GRM7: variants seen among roughly 807,000 people sequenced by gnomAD.
GRM7 encodes glutamate metabotropic receptor 7.
A neutral mutation model predicts 84.5 loss-of-function variants in GRM7; 35 were observed. The observed-to-expected ratio is 0.41, with a 90% CI of 0.32 to 0.55. The LOEUF (loss-of-function observed/expected upper bound fraction) is 0.55. Ranked by LOEUF, GRM7 falls within the 20% of genes least tolerant of loss-of-function variation. The pLI is 0.19. For missense variants in GRM7, 1,003 were observed against 1,194.6 expected, an observed-to-expected ratio of 0.84 and a Z score of 2.36; for synonymous variants, 487 against 455.1, an observed-to-expected ratio of 1.07 and a Z score of -0.89.
chr3:7,276,201 ATATATATGTGTGTG>A lies in GRM7; in HGVS notation c.737-22481_737-22468del, dbSNP rs1211305547. Among the ~76,000 whole-genome samples, 536 of 134,234 alleles carry A rather than the reference ATATATATGTGTGTG, an allele frequency of 4.0e-3. 6 individuals carry two copies. The highest frequency in any genetic ancestry group is 0.014 in the African/African-American group (497 of 36,788). 88.1% of individuals were successfully genotyped at this position (134,234 alleles called of 152,430 possible). ...CCATTATTTTTTAAATTATATATAT[ATATATATGTGTGTG>A]TGTGTGTGTGTGTGTGTGTGTGTGT... is the stretch of plus-strand genomic sequence containing the variant. On this transcript the variant is annotated intron_variant, in intron 2 of 9. Transcript: ENST00000357716.
In GRM7 at chr3:7,222,393, G is replaced by A. The variant is rs572742634; in HGVS notation, c.736+75725G>A. Among the ~76,000 whole-genome samples, 16 of 152,150 alleles carry A rather than the reference G, an allele frequency of 1.1e-4. No individual in the cohort carries two copies. In the South Asian group the frequency reaches 1.7e-3, roughly 16 times the overall value. Reference sequence around the variant, plus strand: ...CGAACTGACTTTGAGATTGGATAGAGGGTTCCATGTACCAAGGAATGCTGG... The same window carrying A: ...CGAACTGACTTTGAGATTGGATAGAAGGTTCCATGTACCAAGGAATGCTGG... On this transcript the variant is annotated intron_variant, in intron 2 of 9. Coordinates refer to ENST00000357716, the MANE Select transcript of GRM7 (RefSeq NM_000844.4).
intron 9 of GRM7, among the ~76,000 whole-genome samples, chr3:7,723,379 A>G (rs1702019416): frequency 6.6e-6 from 1 of 152,166 alleles, no homozygotes; most frequent in Non-Finnish European, 1.5e-5. Context: ...GACCCCTGCT[A>G]AATTCTAGTG....
chr3:7,649,101 G>A (rs1027388459), intron 8 of GRM7, among the ~76,000 whole-genome samples: 3 of 150,982 alleles, frequency 2.0e-5, no homozygotes, highest in African/African-American at 4.9e-5. Flanking sequence ...ATGGAGTCTC[G>A]CTCTGTTGCC....
chr3:7,347,949 T>C (rs1266733383), intron 4 of GRM7, among the ~76,000 whole-genome samples: 1 of 152,186 alleles, frequency 6.6e-6, no homozygotes, highest in Non-Finnish European at 1.5e-5. Context: ...TTGTGCTGAA[T>C]GCACAATTCC....
At chr3:7,634,089 C>T (rs1697967079) in intron 8 of GRM7, among the ~76,000 whole-genome samples, 1 of 152,074 alleles carries the variant, frequency 6.6e-6, no homozygotes, top group Admixed American at 6.5e-5. Flanking sequence ...GTGCTTAGCA[C>T]ATGGTATTTC....
In GRM7 at chr3:7,723,571, G is replaced by A. The variant is rs577860410; in HGVS notation, c.2699-16786G>A. On this transcript the variant is annotated intron_variant, in intron 9 of 9. Coordinates refer to ENST00000357716, the MANE Select transcript of GRM7 (RefSeq NM_000844.4). ...ATAAGGAATTTAGGTAGGGCACAAT[G>A]GCACACTTGGCTCACACCAGTAATC... Among the ~76,000 whole-genome samples the A allele has an allele frequency of 3.9e-5, 6 of 152,280 alleles. No individual in the cohort carries two copies. The East Asian group carries it at 1.2e-3, about 29-fold the overall frequency.
chr3:7,202,101 G>A (rs934122779), intron 2 of GRM7, among the ~76,000 whole-genome samples: 1 of 151,126 alleles, frequency 6.6e-6, no homozygotes, highest in African/African-American at 2.4e-5. Flanking sequence ...TAGCATTTTT[G>A]GCTAGCCAAA....
At chr3:7,331,655 A>C (rs750110625) in intron 4 of GRM7, among the ~76,000 whole-genome samples, 3 of 152,182 alleles carry the variant, frequency 2.0e-5, no homozygotes, top group African/African-American at 7.2e-5. Flanking sequence ...ACATATTTCC[A>C]GGAGCTTTTG....
Position 7,360,570 on chromosome 3 carries a change from T to C in GRM7, c.1033+53918T>C, listed in dbSNP as rs1003158243. Among the ~76,000 whole-genome samples, 11 of 152,132 alleles carry C rather than the reference T, an allele frequency of 7.2e-5. No individual in the cohort carries two copies. The East Asian group carries it at 2.1e-3, about 29-fold the overall frequency. On this transcript the variant is annotated intron_variant, in intron 4 of 9. Coordinates refer to ENST00000357716, the MANE Select transcript of GRM7 (RefSeq NM_000844.4). ...GCTCATCAATATCTTTATTATTCAT[T>C]TATCAGCTTCAGGAATTACAGTCCA...
At chr3:7,331,292 G>A (rs148855156) in intron 4 of GRM7, among the ~76,000 whole-genome samples, 1 of 152,164 alleles carries the variant, frequency 6.6e-6, no homozygotes, top group Non-Finnish European at 1.5e-5. Flanking sequence ...GTGTCTGAAA[G>A]GGTGATCAAA....
chr3:7,624,027 A>G (rs1347883665), intron 8 of GRM7, among the ~76,000 whole-genome samples: 1 of 152,192 alleles, frequency 6.6e-6, no homozygotes, highest in Non-Finnish European at 1.5e-5. Context: ...GGCCTAGTTT[A>G]TCAGACTGAG....
chr3:7,065,553 C>G (rs1208842291), intron 1 of GRM7, among the ~76,000 whole-genome samples: 1 of 151,834 alleles, frequency 6.6e-6, no homozygotes, highest in Admixed American at 6.6e-5. Context: ...GTCTATGTGC[C>G]TATTTTAATA....
intron 2 of GRM7, among the ~76,000 whole-genome samples, chr3:7,274,828 G>A (rs1335628987): frequency 6.6e-6 from 1 of 152,000 alleles, no homozygotes. Flanking sequence ...TTTTGTGTCT[G>A]ATATTAAATT....
chr3:7,432,090 G>T (rs1009152997), intron 5 of GRM7, among the ~76,000 whole-genome samples: 1 of 152,148 alleles, frequency 6.6e-6, no homozygotes, highest in Non-Finnish European at 1.5e-5. Flanking sequence ...AGCTGGAACT[G>T]CTTTGGGAGA....
intron 7 of GRM7, among the ~76,000 whole-genome samples, chr3:7,479,159 G>A (rs945666420): frequency 3.9e-5 from 6 of 152,000 alleles, no homozygotes; most frequent in African/African-American, 1.2e-4. Context: ...GGGAGTAGGC[G>A]AGTCAGGCAA....
intron 5 of GRM7, among the ~76,000 whole-genome samples, chr3:7,423,348 G>A (rs139098380): frequency 7.2e-5 from 11 of 152,284 alleles, no homozygotes; most frequent in East Asian, 3.9e-4. Flanking sequence ...AACAGGCAAC[G>A]TCTTTAAAAT....
At chr3:7,292,464 G>C (rs1165221998) in intron 2 of GRM7, among the ~76,000 whole-genome samples, 1 of 152,008 alleles carries the variant, frequency 6.6e-6, no homozygotes, top group East Asian at 1.9e-4. Flanking sequence ...TTGTGATTTG[G>C]GGTGAGTTAT....
At chr3:6,942,231 A>C (rs1456809609) in intron 1 of GRM7, among the ~76,000 whole-genome samples, 2 of 152,024 alleles carry the variant, frequency 1.3e-5, no homozygotes, top group Non-Finnish European at 2.9e-5. Flanking sequence ...CATAATTACT[A>C]CCAGTAAATT....
At chr3:6,870,655 G>A (rs1695092250) in intron 1 of GRM7, among the ~76,000 whole-genome samples, 1 of 152,192 alleles carries the variant, frequency 6.6e-6, no homozygotes, top group Non-Finnish European at 1.5e-5. Context: ...GAACAGAGAA[G>A]AGGCATTTCC....
Sources: gnomAD v4.1 joint callset for allele counts (sites outside exome capture counted in the v4.1 genomes callset) on GRCh38, gnomAD v4.1.1 for gene constraint, MANE v1.5 for transcripts, NCBI Gene and HGNC (gene_info 2026-07-23, HGNC 2026-07-21) for gene names.